The following GPR137B variants were observed in gnomAD, a reference collection of about 807,000 sequenced individuals.
The protein encoded by GPR137B is integral membrane protein GPR137B.
A neutral mutation model predicts 42.5 loss-of-function variants in GPR137B; 42 were observed. That is an observed-to-expected ratio of 0.99 (90% CI 0.77 to 1.28). GPR137B has a LOEUF of 1.28. Among genes scored for constraint, GPR137B ranks in the 50% most tolerant of loss-of-function variants. GPR137B has a pLI of 0.00. For synonymous variants in GPR137B, 218 were observed against 209.7 expected, an observed-to-expected ratio of 1.04 and a Z score of -0.34; for missense variants, 487 against 493.9, an observed-to-expected ratio of 0.99 and a Z score of 0.13.
At chr1:236,201,230 T>G (rs981691589) in intron 5 of GPR137B, among the ~76,000 whole-genome samples, 5 of 152,066 alleles carry the variant, frequency 3.3e-5, no homozygotes, top group African/African-American at 4.8e-5. Flanking sequence ...TTCTTTCCTT[T>G]GTCTTGACTT....
At chr1:236,197,947 C>CT (rs1398286309) in intron 5 of GPR137B, among the ~76,000 whole-genome samples, 1 of 152,150 alleles carries the variant, frequency 6.6e-6, no homozygotes, top group African/African-American at 2.4e-5. Context: ...TCTTGAACTC[C>CT]TGACCTCAAG....
chr1:236,144,586 A>G (rs1008058375), intron 1 of GPR137B, among the ~76,000 whole-genome samples: 7 of 152,274 alleles, frequency 4.6e-5, no homozygotes, highest in Admixed American at 1.3e-4. Context: ...GACTTCTTGT[A>G]AGTCCAGCGC....
chr1:236,186,964 C>T (rs1329543413), intron 5 of GPR137B, among the ~76,000 whole-genome samples: 1 of 152,182 alleles, frequency 6.6e-6, no homozygotes, highest in Non-Finnish European at 1.5e-5. Flanking sequence ...ACACTACCAC[C>T]AACAGTGTAA....
rs768015721 is a variant in GPR137B at position 236,168,737 on chromosome 1, C to T, written c.446C>T (p.Pro149Leu). ...VIFKAKSKYS[P>L]ELLKYRLPLY... ...TTCAAAGCCAAGTCAAAATATTCTCCAGAATTACTCAAATACCGGTAAGTA... is the reference window on the plus strand; with the variant it reads ...TTCAAAGCCAAGTCAAAATATTCTCTAGAATTACTCAAATACCGGTAAGTA... The change falls in exon 2 of 7, where the codon CCA (proline) becomes CTA (leucine). Residue 149 changes from proline (P) to leucine (L), a missense_variant. Coordinates refer to ENST00000366592, the MANE Select transcript of GPR137B (RefSeq NM_003272.4). 1 of 1,610,970 alleles carries T rather than the reference C, an allele frequency of 6.2e-7. No individual in the cohort carries two copies. Among genetic ancestry groups the T allele is most frequent in the South Asian group, 1.1e-5 (1 of 91,026 alleles).
At chr1:236,153,805 T>TA (rs1661938368) in intron 1 of GPR137B, among the ~76,000 whole-genome samples, 1 of 152,258 alleles carries the variant, frequency 6.6e-6, no homozygotes, top group Non-Finnish European at 1.5e-5. Flanking sequence ...CCCTCTAGGA[T>TA]ACATGCTTTA....
chr1:236,208,883 T>A lies in GPR137B; in HGVS notation c.*725T>A. 1.0e-6 allele frequency: 1 copy of A among 984,526 alleles called. No individual in the cohort carries two copies. The highest frequency in any genetic ancestry group is 1.2e-6 in the Non-Finnish European group (1 of 829,092). The allele number at this position is 984,526 out of a possible 1,614,324, so 61.0% of individuals were successfully genotyped here. On this transcript the variant is annotated 3_prime_UTR_variant, in exon 7 of 7. Transcript: ENST00000366592. ...TTAAAAATGTAGCTGACTTATCCTA[T>A]TAAACCTCCTCTGCTATGTTCACAG... is the stretch of plus-strand genomic sequence containing the variant.
intron 6 of GPR137B, among the ~76,000 whole-genome samples, 196 bp from the exon 7 acceptor site, chr1:236,207,854 A>C (rs1267569419): frequency 1.3e-5 from 2 of 152,062 alleles, no homozygotes; most frequent in African/African-American, 4.8e-5. Flanking sequence ...TAAAGAGTTC[A>C]GTAGAGTTGT....
rs1663016387 is a variant in GPR137B, at chr1:236,186,235, A to AATATATATTATAT, written c.966+2332_966+2333insTATATTATATATA. On this transcript the variant is annotated intron_variant, in intron 5 of 6. Transcript: ENST00000366592. ...ATATATTATATATAATATAATATAT[A>AATATATATTATAT]ATAATATAAATAATATATAATATAT... Among the ~76,000 whole-genome samples the AATATATATTATAT allele has an allele frequency of 7.7e-5, 2 of 25,842 alleles. 1 individual carries two copies. Among genetic ancestry groups the AATATATATTATAT allele is most frequent in the African/African-American group, 1.9e-4 (2 of 10,268 alleles). The allele number at this position is 25,842 out of a possible 152,430, so 17.0% of individuals were successfully genotyped here. A position where few individuals can be genotyped will look rare whatever the true frequency, so the allele number is the denominator to read the frequency against.
At chr1:236,204,470 A>G (rs1211644597) in intron 5 of GPR137B, among the ~76,000 whole-genome samples, 1 of 152,178 alleles carries the variant, frequency 6.6e-6, no homozygotes, top group Non-Finnish European at 1.5e-5. Context: ...AGTATGACTG[A>G]CATTAGTTCT....
chr1:236,196,810 G>A (rs1663350917), intron 5 of GPR137B, among the ~76,000 whole-genome samples: 1 of 152,174 alleles, frequency 6.6e-6, no homozygotes, highest in Non-Finnish European at 1.5e-5. Flanking sequence ...TGGCTGAGTA[G>A]TAGTCCATGG....
At chr1:236,143,228 C>T (rs965116797) in intron 1 of GPR137B, among the ~76,000 whole-genome samples, 192 bp downstream of exon 1, 7 of 152,224 alleles carry the variant, frequency 4.6e-5, no homozygotes, top group African/African-American at 1.7e-4. Flanking sequence ...AACCCCCTGC[C>T]ATTCCCAAAA....
chr1:236,167,916 A>G (rs1340802794), intron 1 of GPR137B, among the ~76,000 whole-genome samples: 1 of 152,246 alleles, frequency 6.6e-6, no homozygotes, highest in Non-Finnish European at 1.5e-5. Context: ...GTGTGTGGGC[A>G]ATCCAGCAAT....
At chr1:236,159,898 C>T (rs553927454) in intron 1 of GPR137B, among the ~76,000 whole-genome samples, 14 of 152,304 alleles carry the variant, frequency 9.2e-5, no homozygotes, top group African/African-American at 2.6e-4. Flanking sequence ...GCGGGTGGTG[C>T]GGAAAGCCCA....
At chr1:236,199,143 C>A (rs938108236) in intron 5 of GPR137B, among the ~76,000 whole-genome samples, 1 of 152,084 alleles carries the variant, frequency 6.6e-6, no homozygotes, top group Admixed American at 6.6e-5. Context: ...TTTTCTGCAT[C>A]CATTGAGATA....
chr1:236,145,034 CT>C (rs1296420002), intron 1 of GPR137B, among the ~76,000 whole-genome samples: 1 of 152,252 alleles, frequency 6.6e-6, no homozygotes, highest in African/African-American at 2.4e-5. Flanking sequence ...GCCCTGTACT[CT>C]TTATATCTCC....
At position 236,189,287 on chromosome 1, in the gene GPR137B, AT is replaced by A. The variant is rs963007692; in HGVS notation, c.966+5389del. Among the ~76,000 whole-genome samples, 49 of 151,730 alleles carry A rather than the reference AT, an allele frequency of 3.2e-4. 1 individual carries two copies. Among genetic ancestry groups the A allele is most frequent in the African/African-American group, 9.4e-4 (39 of 41,372 alleles). ...AAAAAACCAGCTCCTGGATTCATTG[AT>A]TTTTTTTGAAGGGTTTTTCGTGTCT... On this transcript the variant is annotated intron_variant, in intron 5 of 6. Transcript: ENST00000366592.
chr1:236,196,643 T>A (rs922655459), intron 5 of GPR137B, among the ~76,000 whole-genome samples: 2 of 152,150 alleles, frequency 1.3e-5, no homozygotes, highest in Non-Finnish European at 2.9e-5. Context: ...CCAATTCCAT[T>A]ATATTGCTCT....
chr1:236,161,382 C>T (rs1662190168), intron 1 of GPR137B, among the ~76,000 whole-genome samples: 1 of 152,072 alleles, frequency 6.6e-6, no homozygotes, highest in African/African-American at 2.4e-5. Flanking sequence ...TCCCTCACTG[C>T]TCCTAAGTCC....
rs993346730 is a variant in GPR137B at position 236,198,168 on chromosome 1, C to T, written c.967-6958C>T. The stretch of plus-strand genomic sequence containing the variant: ...ATGCACGATCTTTTTTGGTTCCATA[C>T]GAATTTTAGAATTTTTTCTATTTCT... On this transcript the variant is annotated intron_variant, in intron 5 of 6. Transcript: ENST00000366592. Among the ~76,000 whole-genome samples the T allele has an allele frequency of 9.2e-5, 14 of 152,134 alleles. No homozygotes were observed. The East Asian group carries it at 1.7e-3, about 19-fold the overall frequency.
Sources: allele counts gnomAD v4.1 joint callset (sites outside exome capture counted in the v4.1 genomes callset), GRCh38; gene constraint gnomAD v4.1.1; transcripts MANE v1.5; gene names NCBI Gene and HGNC (gene_info 2026-07-23, HGNC 2026-07-21).